B3GALT1: variants seen among roughly 807,000 people sequenced by gnomAD.
B3GALT1 encodes the protein beta-1,3-galactosyltransferase 1, also known as UDP-Gal:betaGlcNAc beta 1,3-galactosyltransferase, polypeptide 1.
Under a neutral mutation model 23.2 loss-of-function variants are expected in B3GALT1, and 10 were observed. The ratio of observed to expected loss-of-function variants is 0.43; its 90% CI spans 0.27 to 0.73. B3GALT1 has a LOEUF of 0.73. Ranked by LOEUF, B3GALT1 falls within the 30% of genes least tolerant of loss-of-function variation. The pLI, the probability that B3GALT1 is intolerant of heterozygous loss-of-function variation, is 0.21. For missense variants in B3GALT1, 299 were observed against 405.4 expected (o/e 0.74, Z 2.25); for synonymous variants, 156 against 141.5 (o/e 1.10, Z -0.73).
At chr2:167,867,338 T>G (rs1574310679) in intron 4 of B3GALT1, among the ~76,000 whole-genome samples, 1 of 152,150 alleles carries the variant, frequency 6.6e-6, no homozygotes, top group East Asian at 1.9e-4. Flanking sequence ...TGGTGCACCT[T>G]AGAACAGAAA....
At chr2:167,350,531 T>C (rs1158032940) in intron 1 of B3GALT1, among the ~76,000 whole-genome samples, 1 of 152,208 alleles carries the variant, frequency 6.6e-6, no homozygotes, top group Non-Finnish European at 1.5e-5. Flanking sequence ...GCTCACAGAT[T>C]GCATTGCATG....
At chr2:167,762,823 G>A (rs1687917269) in intron 3 of B3GALT1, among the ~76,000 whole-genome samples, 1 of 152,128 alleles carries the variant, frequency 6.6e-6, no homozygotes, top group Middle Eastern at 3.2e-3. Flanking sequence ...GCTAACTTAA[G>A]GTTGAAATAG....
intron 4 of B3GALT1, among the ~76,000 whole-genome samples, chr2:167,866,507 G>A (rs1263539727): frequency 6.6e-6 from 1 of 152,182 alleles, no homozygotes; most frequent in Non-Finnish European, 1.5e-5. Flanking sequence ...TGGATGCATG[G>A]ATTAACAAAT....
chr2:167,844,600 G>A lies in B3GALT1; in HGVS notation c.-229-24211G>A, dbSNP rs867032496. Among the ~76,000 whole-genome samples, 7 of 152,336 alleles carry A rather than the reference G, an allele frequency of 4.6e-5. No individual in the cohort carries two copies. The South Asian group carries it at 1.4e-3, about 32-fold the overall frequency. On this transcript the variant is annotated intron_variant, in intron 4 of 4. Coordinates refer to ENST00000392690, the MANE Select transcript of B3GALT1 (RefSeq NM_020981.4). ...AGCAGCAGAAAGGCCTTGGGAGCTC[G>A]CTGGGTCCCCAAACAGGCCCTTCCT...
intron 1 of B3GALT1, among the ~76,000 whole-genome samples, chr2:167,428,739 A>C (rs1422041021): frequency 2.6e-5 from 4 of 152,032 alleles, no homozygotes; most frequent in Non-Finnish European, 5.9e-5. Flanking sequence ...AGCAAAGGTG[A>C]TGTTTACTTG....
rs779233309 is a variant in B3GALT1, at chr2:167,305,481, A to G, written c.-511+12147A>G. Among the ~76,000 whole-genome samples the G allele has an allele frequency of 1.9e-4, 29 of 152,174 alleles. 1 individual carries two copies. Among genetic ancestry groups the G allele is most frequent in the Admixed American group, 3.9e-4 (6 of 15,256 alleles). ...TGTGCATATTATTTCACACGTGTAC[A>G]AGAAACTAAAGGACCTAGAAGTGGA... is the stretch of plus-strand genomic sequence containing the variant. On this transcript the variant is annotated intron_variant, in intron 1 of 4. Transcript: ENST00000392690.
intron 2 of B3GALT1, among the ~76,000 whole-genome samples, chr2:167,584,115 TC>T (rs1168381065): frequency 4.6e-5 from 7 of 152,260 alleles, no homozygotes; most frequent in Non-Finnish European, 5.9e-5. Context: ...TGGCTTTTTT[TC>T]CCACTTTTCA....
chr2:167,808,169 A>C (rs1281030747), intron 3 of B3GALT1, among the ~76,000 whole-genome samples: 2 of 150,744 alleles, frequency 1.3e-5, no homozygotes, highest in African/African-American at 4.9e-5. Context: ...ATCTTCCTCC[A>C]TCCCTTTATT....
intron 2 of B3GALT1, among the ~76,000 whole-genome samples, chr2:167,583,068 C>T (rs1235989749): frequency 2.6e-5 from 4 of 152,170 alleles, no homozygotes; most frequent in African/African-American, 9.7e-5. Context: ...TTTCTCAAGG[C>T]CCATGAGGGA....
chr2:167,529,547 C>T (rs1427362238), intron 2 of B3GALT1, among the ~76,000 whole-genome samples: 1 of 149,414 alleles, frequency 6.7e-6, no homozygotes, highest in East Asian at 2.1e-4. Flanking sequence ...ATAGAATTCT[C>T]AGACTCAGCA....
chr2:167,729,020 C>T (rs1188656502), intron 3 of B3GALT1, among the ~76,000 whole-genome samples: 1 of 152,112 alleles, frequency 6.6e-6, no homozygotes, highest in East Asian at 1.9e-4. Context: ...CTGTCTATCC[C>T]ATTAAGTCAT....
chr2:167,855,046 GA>G (rs1293436267), intron 4 of B3GALT1, among the ~76,000 whole-genome samples: 1 of 152,114 alleles, frequency 6.6e-6, no homozygotes, highest in Non-Finnish European at 1.5e-5. Context: ...TATTGTTAAG[GA>G]AGTAGCCCAG....
chr2:167,307,000 C>CTCCT (rs1696562124), intron 1 of B3GALT1, among the ~76,000 whole-genome samples: 1 of 151,864 alleles, frequency 6.6e-6, no homozygotes. Flanking sequence ...AAAGTTTACC[C>CTCCT]AATTGGACCA....
intron 1 of B3GALT1, among the ~76,000 whole-genome samples, chr2:167,351,284 C>T (rs899609492): frequency 1.7e-4 from 24 of 145,400 alleles, no homozygotes; most frequent in Admixed American, 1.1e-3. Flanking sequence ...AAAAAAAAAA[C>T]GAAAACAAAA....
intron 1 of B3GALT1, among the ~76,000 whole-genome samples, chr2:167,394,060 C>A (rs1237513438): frequency 1.3e-5 from 2 of 152,142 alleles, no homozygotes; most frequent in African/African-American, 2.4e-5. Context: ...GTAAGCCATT[C>A]TTCATATTTA....
intron 2 of B3GALT1, among the ~76,000 whole-genome samples, chr2:167,494,920 A>G (rs1408799795): frequency 6.6e-6 from 1 of 152,164 alleles, no homozygotes; most frequent in Non-Finnish European, 1.5e-5. Flanking sequence ...TGATTTCTTT[A>G]AATGTTGTAC....
intron 3 of B3GALT1, among the ~76,000 whole-genome samples, chr2:167,667,318 C>T (rs190143936): frequency 2.6e-5 from 4 of 152,300 alleles, no homozygotes; most frequent in African/African-American, 9.6e-5. Context: ...GCTGAGAGAT[C>T]AGCTGTTAGT....
At chr2:167,752,889 CA>C (rs1215328539) in intron 3 of B3GALT1, among the ~76,000 whole-genome samples, 3 of 152,086 alleles carry the variant, frequency 2.0e-5, no homozygotes, top group African/African-American at 7.2e-5. Flanking sequence ...CTGAGTGAGC[CA>C]GGAGAGATGC....
At chr2:167,673,943 A>G (rs956926595) in intron 3 of B3GALT1, among the ~76,000 whole-genome samples, 2 of 152,126 alleles carry the variant, frequency 1.3e-5, no homozygotes, top group Non-Finnish European at 2.9e-5. Flanking sequence ...TTAGCTATGC[A>G]TGATTAATCA....
Sources: allele counts gnomAD v4.1 joint callset (sites outside exome capture counted in the v4.1 genomes callset), GRCh38; gene constraint gnomAD v4.1.1; transcripts MANE v1.5; gene names NCBI Gene and HGNC (gene_info 2026-07-23, HGNC 2026-07-21).